Variants in ATP6V1H observed in about 807,000 individuals in gnomAD.
The protein encoded by ATP6V1H is ATPase H+ transporting V1 subunit H, also known as V-type proton ATPase subunit H.
ATP6V1H carries 39 observed loss-of-function variants against 71.7 expected under a neutral mutation model. That is an observed-to-expected ratio of 0.54 (90% CI 0.42 to 0.71). The LOEUF (loss-of-function observed/expected upper bound fraction) is 0.71, where lower values mean the gene tolerates loss of function less well. ATP6V1H is among the 30% of genes least tolerant of loss of function. ATP6V1H has a pLI of 0.00. For synonymous variants in ATP6V1H, 192 were observed against 199.3 expected (o/e 0.96, Z 0.31); for missense variants, 509 against 594.9 (o/e 0.86, Z 1.50).
At chr8:53,749,423 A>G (rs1043274870) in intron 12 of ATP6V1H, among the ~76,000 whole-genome samples, 1 of 152,200 alleles carries the variant, frequency 6.6e-6, no homozygotes, top group African/African-American at 2.4e-5. Context: ...CAAGTAGTTC[A>G]GTGAGGGTGC....
Position 53,756,009 on chromosome 8 carries a change from G to A in ATP6V1H, c.1277+546C>T, listed in dbSNP as rs1214595022. Among the ~76,000 whole-genome samples the A allele has an allele frequency of 9.8e-5, 14 of 143,226 alleles. No individual in the cohort carries two copies. In the South Asian group the frequency reaches 2.2e-3, roughly 22 times the overall value. 94.0% of individuals were successfully genotyped at this position (143,226 alleles called of 152,430 possible). On this transcript the variant is annotated intron_variant, in intron 12 of 13. Coordinates refer to ENST00000359530, the MANE Select transcript of ATP6V1H (RefSeq NM_015941.4). ...CCTGACCTTGTGATCCGCCCGCCTC[G>A]GCCTCCCAAAGTGCTGGGATTACAG...
intron 9 of ATP6V1H, among the ~76,000 whole-genome samples, 153 bp downstream of exon 9, chr8:53,795,494 C>T (rs1472457914): frequency 2.0e-5 from 3 of 152,144 alleles, no homozygotes; most frequent in Non-Finnish European, 4.4e-5. Flanking sequence ...ACCATAAATA[C>T]AAATTAGTGA....
At position 53,768,773 on chromosome 8, in the gene ATP6V1H, G is replaced by A. The variant is rs55790923; in HGVS notation, c.1175+845C>T. 2.7e-3 allele frequency among the ~76,000 whole-genome samples: 406 copies of A among 152,282 alleles called. 1 individual carries two copies. The highest frequency in any genetic ancestry group is 9.1e-3 in the African/African-American group (380 of 41,568). ...GGTGGTTACTTAGGGCTAGGTAGATGGGTGGATAGAGAGGTGACGGCCAAA... is the reference window on the plus strand; with the variant it reads ...GGTGGTTACTTAGGGCTAGGTAGATAGGTGGATAGAGAGGTGACGGCCAAA... On this transcript the variant is annotated intron_variant, in intron 11 of 13. Transcript: ENST00000359530.
chr8:53,760,075 T>A (rs1563453248), intron 11 of ATP6V1H, among the ~76,000 whole-genome samples: 1 of 152,196 alleles, frequency 6.6e-6, no homozygotes, highest in Non-Finnish European at 1.5e-5. Flanking sequence ...AGGGGGTTGT[T>A]AAGCTGCCAC....
intron 8 of ATP6V1H, among the ~76,000 whole-genome samples, chr8:53,798,925 G>GTATTTTAGAA (rs1809827937): frequency 6.6e-6 from 1 of 152,004 alleles, no homozygotes; most frequent in Non-Finnish European, 1.5e-5. Flanking sequence ...AAATACTAAG[G>GTATTTTAGAA]TACTAGCCAT....
chr8:53,823,484 T>TG (rs902535752), intron 4 of ATP6V1H, among the ~76,000 whole-genome samples: 7 of 151,624 alleles, frequency 4.6e-5, no homozygotes, highest in African/African-American at 9.7e-5. Flanking sequence ...ACTTAATTTT[T>TG]GGGGGGGCGG....
chr8:53,717,426 G>T (rs187256265), intron 13 of ATP6V1H, among the ~76,000 whole-genome samples: 1 of 152,284 alleles, frequency 6.6e-6, no homozygotes, highest in Non-Finnish European at 1.5e-5. Context: ...AAGCATCCCA[G>T]GACATGAAAA....
At chr8:53,823,191 T>A (rs1021127579) in intron 4 of ATP6V1H, among the ~76,000 whole-genome samples, 2 of 152,126 alleles carry the variant, frequency 1.3e-5, no homozygotes, top group African/African-American at 4.8e-5. Flanking sequence ...TAAGAAAGAA[T>A]ACATCTTCTC....
rs1457708707 is a variant in ATP6V1H at position 53,769,655 on chromosome 8, C to A, written c.1138G>T (p.Ala380Ser). ...TAATTCTTCTCATTTAACCTCACAG[C>A]ATTCTCTCTCCAAAATTTCTCAGAT... ...HKSEKFWRENAVRLNEKNYEL... is the reference protein window; with the variant it reads ...HKSEKFWRENSVRLNEKNYEL... The change falls in exon 11 of 14, where the codon GCT becomes TCT. Residue 380 changes from alanine (A) to serine (S), a missense_variant. By Grantham distance (99) the Ala-to-Ser change is moderately conservative. Around this residue, in one of 2 missense-constraint regions of ATP6V1H, gnomAD observed 212 missense variants for 291.6 expected, o/e 0.73. Coordinates refer to ENST00000359530, the MANE Select transcript of ATP6V1H (RefSeq NM_015941.4). 3 of 1,613,082 alleles carry A rather than the reference C, an allele frequency of 1.9e-6. No homozygotes were observed. The highest frequency in any genetic ancestry group is 2.5e-6 in the Non-Finnish European group (3 of 1,179,440).
At chr8:53,816,900 A>AT (rs1358996759) in intron 5 of ATP6V1H, among the ~76,000 whole-genome samples, 1 of 152,208 alleles carries the variant, frequency 6.6e-6, no homozygotes, top group African/African-American at 2.4e-5. Context: ...TAATTTCTAT[A>AT]TAGTAAAATG....
intron 9 of ATP6V1H, among the ~76,000 whole-genome samples, chr8:53,778,637 G>A (rs1322633478): frequency 6.6e-6 from 1 of 151,976 alleles, no homozygotes; most frequent in Non-Finnish European, 1.5e-5. Flanking sequence ...TAACCCAAGA[G>A]AAAGCAAAAA....
chr8:53,795,718 G>A lies in ATP6V1H; in HGVS notation c.799C>T (p.Pro267Ser). Residue 267 changes from proline to serine, a missense_variant, in exon 9 of 14, where the codon CCA (proline) becomes TCA (serine). Transcript: ENST00000359530. ...CEHLRRYNII[P>S]VLSDILQESV... ...TCCTGAAGGATATCAGACAGAACTG[G>A]AATGATATTATAGCGCCGCAGGTGT... 1.9e-6 allele frequency: 3 copies of A among 1,613,964 alleles called. No homozygotes were observed. The highest frequency in any genetic ancestry group is 2.5e-6 in the Non-Finnish European group (3 of 1,179,966).
intron 1 of ATP6V1H, chr8:53,842,698 A>C (rs1811382409): frequency 6.6e-6 from 1 of 152,234 alleles, no homozygotes; most frequent in African/African-American, 2.4e-5. Context: ...GCGTAGCTCA[A>C]GGTGTCTCTA....
intron 2 of ATP6V1H, chr8:53,839,826 G>C: frequency 2.0e-6 from 2 of 985,170 alleles, no homozygotes; most frequent in Non-Finnish European, 2.4e-6. Flanking sequence ...ATCAATCATG[G>C]GCTTCACAGC....
chr8:53,766,150 C>T (rs994150762), intron 11 of ATP6V1H, among the ~76,000 whole-genome samples: 5 of 152,174 alleles, frequency 3.3e-5, no homozygotes, highest in Admixed American at 6.5e-5. Context: ...GGACCCCAAA[C>T]GGAGGGACCG....
chr8:53,794,059 C>T (rs1260152586), intron 9 of ATP6V1H, among the ~76,000 whole-genome samples: 1 of 151,856 alleles, frequency 6.6e-6, no homozygotes, highest in African/African-American at 2.4e-5. Flanking sequence ...CTAGAAACAC[C>T]ACCACATGGC....
chr8:53,826,794 A>T (rs151293974), intron 4 of ATP6V1H, among the ~76,000 whole-genome samples: 1,568 of 151,950 alleles, frequency 0.01, 14 homozygotes, highest in African/African-American at 0.027. Context: ...TAAAAAAAAA[A>T]ATATAAAAAT....
chr8:53,720,344 T>A (rs1236109644), intron 13 of ATP6V1H, among the ~76,000 whole-genome samples: 1 of 152,108 alleles, frequency 6.6e-6, no homozygotes, highest in Non-Finnish European at 1.5e-5. Flanking sequence ...ACAAAAGAGA[T>A]CATACTGCTG....
At chr8:53,812,210 G>A (rs949979840) in intron 6 of ATP6V1H, among the ~76,000 whole-genome samples, 2 of 152,098 alleles carry the variant, frequency 1.3e-5, no homozygotes, top group African/African-American at 4.8e-5. Context: ...TAAGAAGCAA[G>A]GCCAGGCTAA....
Sources: gnomAD v4.1 joint callset for allele counts (sites outside exome capture counted in the v4.1 genomes callset) on GRCh38, gnomAD v4.1.1 for gene constraint, gnomAD v4.1.1 regional missense constraint, MANE v1.5 for transcripts, NCBI Gene and HGNC (gene_info 2026-07-23, HGNC 2026-07-21) for gene names.